SIAH3: variants seen among roughly 807,000 people sequenced by gnomAD.
SIAH3 encodes seven in absentia homolog 3.
A neutral mutation model predicts 12.6 loss-of-function variants in SIAH3; 9 were observed. The observed-to-expected ratio is 0.72, with a 90% confidence interval of 0.43 to 1.25. The LOEUF (loss-of-function observed/expected upper bound fraction) is 1.25. Among genes scored for constraint, SIAH3 ranks in the 50% most tolerant of loss-of-function variants. The pLI is 0.00. For synonymous variants in SIAH3, 154 were observed against 151.1 expected (o/e 1.02, Z -0.14); for missense variants, 390 against 365.4 (o/e 1.07, Z -0.55).
At chr13:45,822,532 T>TTTG (rs1950659560) in intron 1 of SIAH3, among the ~76,000 whole-genome samples, 3 of 108,470 alleles carry the variant, frequency 2.8e-5, no homozygotes, top group African/African-American at 3.3e-5. Context: ...TATATATATA[T>TTTG]ATATATATAT....
intron 1 of SIAH3, among the ~76,000 whole-genome samples, chr13:45,802,525 G>A (rs1045270142): frequency 2.6e-5 from 4 of 152,110 alleles, no homozygotes; most frequent in Non-Finnish European, 5.9e-5. Flanking sequence ...GGATATTTAC[G>A]ATGATTTTCA....
Position 45,837,149 on chromosome 13 carries a change from T to A in SIAH3, c.135+14346A>T, listed in dbSNP as rs1015943704. ...ATCTTCCCAGCTCTCCCTTTTCTACTCCCAAATCTTTTGGGGAGATCTAGG... is the reference window on the plus strand; with the variant it reads ...ATCTTCCCAGCTCTCCCTTTTCTACACCCAAATCTTTTGGGGAGATCTAGG... On this transcript the variant is annotated intron_variant, in intron 1 of 1. Transcript: ENST00000400405. Among the ~76,000 whole-genome samples the A allele has an allele frequency of 7.2e-5, 11 of 152,204 alleles. 1 individual carries two copies. The East Asian group carries it at 2.1e-3, about 29-fold the overall frequency.
Position 45,782,765 on chromosome 13 carries a change from C to G in SIAH3, c.*618G>C, listed in dbSNP as rs1176966702. 6.7e-6 allele frequency: 1 copy of G among 149,260 alleles called. No homozygotes were observed. Among genetic ancestry groups the G allele is most frequent in the Non-Finnish European group, 1.5e-5 (1 of 67,612 alleles). 9.2% of individuals were successfully genotyped at this position (149,260 alleles called of 1,614,324 possible). A position where few individuals can be genotyped will look rare whatever the true frequency, so the allele number is the denominator to read the frequency against. ...CTGAGCCCCAGCATCAACCTGAGCA[C>G]TCAGCACACAATGACACCTCTAGCC... On this transcript the variant is annotated 3_prime_UTR_variant, in exon 2 of 2. Coordinates refer to ENST00000400405, the MANE Select transcript of SIAH3 (RefSeq NM_198849.3).
intron 1 of SIAH3, 117 bp downstream of exon 1, chr13:45,851,378 C>T (rs1420373776): frequency 7.2e-7 from 1 of 1,387,220 alleles, no homozygotes; most frequent in South Asian, 1.3e-5. Flanking sequence ...GACACCGTCC[C>T]AGCCCCCGAG....
chr13:45,847,622 CGTGTGTGT>C (rs112078778), intron 1 of SIAH3, among the ~76,000 whole-genome samples: 3 of 146,836 alleles, frequency 2.0e-5, no homozygotes, highest in African/African-American at 7.5e-5. Context: ...TCCATGTGTT[CGTGTGTGT>C]GTGTGTGTGT....
intron 1 of SIAH3, among the ~76,000 whole-genome samples, chr13:45,821,740 G>A (rs1467632100): frequency 1.3e-5 from 2 of 152,278 alleles, no homozygotes; most frequent in African/African-American, 2.4e-5. Flanking sequence ...AAATAGCTGC[G>A]CTCAATTCTT....
chr13:45,785,853 T>C (rs1950526320), intron 1 of SIAH3, among the ~76,000 whole-genome samples: 1 of 152,150 alleles, frequency 6.6e-6, no homozygotes, highest in Non-Finnish European at 1.5e-5. Context: ...GAACAGTGTG[T>C]CTTCAGCTAT....
At position 45,831,505 on chromosome 13, in the gene SIAH3, A is replaced by T. The variant is rs1950699158; in HGVS notation, c.135+19990T>A. 2.6e-5 allele frequency among the ~76,000 whole-genome samples: 4 copies of T among 152,342 alleles called. No homozygotes were observed. The South Asian group carries it at 8.3e-4, about 32-fold the overall frequency. ...TCTGTTATGCATTCACTCAGTAGAT[A>T]TTTATTGAGCCTCCAATATGCCAGG... On this transcript the variant is annotated intron_variant, in intron 1 of 1. Transcript: ENST00000400405.
chr13:45,844,109 T>C (rs1593389744), intron 1 of SIAH3, among the ~76,000 whole-genome samples: 1 of 152,224 alleles, frequency 6.6e-6, no homozygotes. Context: ...TTGTCTTATG[T>C]GGAAATGAAG....
intron 1 of SIAH3, among the ~76,000 whole-genome samples, chr13:45,824,727 G>A (rs976192871): frequency 5.9e-5 from 9 of 152,060 alleles, no homozygotes; most frequent in Non-Finnish European, 7.4e-5. Flanking sequence ...GCAGCGCATC[G>A]GAGTTGGAAA....
chr13:45,841,721 C>T (rs976263739), intron 1 of SIAH3, among the ~76,000 whole-genome samples: 2 of 152,178 alleles, frequency 1.3e-5, no homozygotes, highest in Non-Finnish European at 2.9e-5. Context: ...GAATATGTAG[C>T]CTTTGGATCC....
chr13:45,851,273 C>T (rs6561271), intron 1 of SIAH3, among the ~76,000 whole-genome samples: 23,505 of 152,104 alleles, frequency 0.15, 2,918 homozygotes, highest in African/African-American at 0.34. Context: ...ATCAATCCAG[C>T]TTTTCCTGCC....
Position 45,783,411 on chromosome 13 carries a change from T to C in SIAH3, c.782A>G (p.Glu261Gly). 1 of 1,613,054 alleles carries C rather than the reference T, an allele frequency of 6.2e-7. No individual in the cohort carries two copies. Among genetic ancestry groups the C allele is most frequent in the Non-Finnish European group, 8.5e-7 (1 of 1,179,186 alleles). The change falls in exon 2 of 2, where the codon GAG becomes GGG. Residue 261 changes from glutamate to glycine, a missense_variant. Coordinates refer to ENST00000400405, the MANE Select transcript of SIAH3 (RefSeq NM_198849.3). ...LAIGIAITAT[E>G]VLPSEAEM is the part of the protein sequence containing the mutation. ...CATTTCAGCTTCTGAGGGGAGGACC[T>C]CTGTCGCGGTGATGGCAATCCCAAT...
intron 1 of SIAH3, among the ~76,000 whole-genome samples, chr13:45,850,590 T>A (rs1950777040): frequency 1.2e-4 from 18 of 149,242 alleles, no homozygotes; most frequent in Admixed American, 1.2e-3. Flanking sequence ...AGCCCCCACC[T>A]CCCTGACTTC....
At chr13:45,851,137 C>G (rs569026527) in intron 1 of SIAH3, among the ~76,000 whole-genome samples, 2 of 152,108 alleles carry the variant, frequency 1.3e-5, no homozygotes, top group Non-Finnish European at 2.9e-5. Context: ...CAAATCCTGT[C>G]TCCTGAGCAC....
intron 1 of SIAH3, among the ~76,000 whole-genome samples, chr13:45,795,440 A>T (rs867887594): frequency 9.2e-5 from 14 of 152,232 alleles, no homozygotes; most frequent in African/African-American, 3.1e-4. Context: ...AGCACTCAGC[A>T]GGCAACAGAG....
chr13:45,839,658 C>T (rs1047871147), intron 1 of SIAH3, among the ~76,000 whole-genome samples: 2 of 151,942 alleles, frequency 1.3e-5, no homozygotes, highest in Non-Finnish European at 2.9e-5. Context: ...CGGTGAAACC[C>T]CATCTCTACT....
chr13:45,791,207 T>G (rs1279629661), intron 1 of SIAH3, among the ~76,000 whole-genome samples: 1 of 152,054 alleles, frequency 6.6e-6, no homozygotes, highest in Non-Finnish European at 1.5e-5. Context: ...ATTGGTAGCC[T>G]TTTCTCCTCA....
intron 1 of SIAH3, among the ~76,000 whole-genome samples, chr13:45,793,358 C>T (rs1360305451): frequency 6.6e-6 from 1 of 152,182 alleles, no homozygotes; most frequent in African/African-American, 2.4e-5. Flanking sequence ...ATGTCATGAC[C>T]AGGAACTCCA....
Sources: allele counts gnomAD v4.1 joint callset (sites outside exome capture counted in the v4.1 genomes callset), GRCh38; gene constraint gnomAD v4.1.1; transcripts MANE v1.5; gene names NCBI Gene and HGNC (gene_info 2026-07-23, HGNC 2026-07-21).